The following RNF130 variants were observed in gnomAD, a reference collection of about 807,000 sequenced individuals.
The protein encoded by RNF130 is ring finger protein 130, also known as E3 ubiquitin-protein ligase RNF130.
In RNF130, 21 loss-of-function variants were observed where a neutral mutation model predicts 44.6. The observed-to-expected ratio is 0.47, with a 90% CI of 0.33 to 0.68. The LOEUF (loss-of-function observed/expected upper bound fraction) is 0.68. RNF130 is among the 30% of genes least tolerant of loss of function. The pLI, the probability that RNF130 is intolerant of heterozygous loss-of-function variation, is 0.02. For missense variants in RNF130, 479 were observed against 560.6 expected, an observed-to-expected ratio of 0.85 and a Z score of 1.47; for synonymous variants, 214 against 210.4, an observed-to-expected ratio of 1.02 and a Z score of -0.15.
At chr5:179,993,409 C>T (rs1211075559) in intron 3 of RNF130, among the ~76,000 whole-genome samples, 1 of 152,190 alleles carries the variant, frequency 6.6e-6, no homozygotes, top group Non-Finnish European at 1.5e-5. Context: ...TTTTAACAAT[C>T]ACCATTCTAA....
exon 8 of RNF130, chr5:179,913,336 G>A (rs1253185370): frequency 6.6e-6 from 1 of 151,636 alleles, no homozygotes; most frequent in Non-Finnish European, 1.5e-5. Flanking sequence ...TGAAACTCAA[G>A]TTGCAGGACG....
intron 2 of RNF130, among the ~76,000 whole-genome samples, chr5:180,020,672 C>A (rs1763849250): frequency 6.6e-6 from 1 of 152,292 alleles, no homozygotes. Context: ...CAGTACAGCA[C>A]TTGAATGTCA....
At chr5:179,969,239 GTGT>G (rs936136700) in intron 6 of RNF130, among the ~76,000 whole-genome samples, 1 of 151,992 alleles carries the variant, frequency 6.6e-6, no homozygotes, top group Non-Finnish European at 1.5e-5. Flanking sequence ...ACTCAAGTCA[GTGT>G]TGACCTGGCA....
intron 3 of RNF130, among the ~76,000 whole-genome samples, chr5:180,008,045 G>A (rs1001592610): frequency 1.3e-5 from 2 of 148,628 alleles, no homozygotes; most frequent in African/African-American, 5.0e-5. Context: ...GGAAAAGGAG[G>A]TGGGCTGCCT....
intron 1 of RNF130, among the ~76,000 whole-genome samples, chr5:180,057,937 T>G (rs1764877726): frequency 6.6e-6 from 1 of 152,150 alleles, no homozygotes; most frequent in Admixed American, 6.5e-5. Context: ...GGGGCGGTTT[T>G]GTGGGACTAG....
chr5:179,972,990 T>G (rs1449192407), intron 5 of RNF130, among the ~76,000 whole-genome samples: 1 of 152,158 alleles, frequency 6.6e-6, no homozygotes, highest in South Asian at 2.1e-4. Context: ...AAAGACCAAC[T>G]GGTTCTCTGG....
intron 1 of RNF130, among the ~76,000 whole-genome samples, chr5:180,050,243 G>C (rs546909822): frequency 2.0e-5 from 3 of 152,310 alleles, no homozygotes; most frequent in Non-Finnish European, 2.9e-5. Flanking sequence ...GGGTGAGCTG[G>C]CAGGCTGGAG....
intron 1 of RNF130, among the ~76,000 whole-genome samples, chr5:180,046,080 G>A (rs1307671537): frequency 6.6e-6 from 1 of 152,188 alleles, no homozygotes; most frequent in African/African-American, 2.4e-5. Flanking sequence ...CCTGCCCCAT[G>A]GGGAGGCATC....
Position 180,000,747 on chromosome 5 carries a change from T to C in RNF130, c.693+12314A>G, listed in dbSNP as rs188671942. On this transcript the variant is annotated intron_variant, in intron 3 of 8. Transcript: ENST00000521389. Reference sequence around the variant, plus strand: ...TGCAGGATTTGATTCTTACTTCTCTTTTATTCAATTTCCTGTTTATATTGT... The same window carrying C: ...TGCAGGATTTGATTCTTACTTCTCTCTTATTCAATTTCCTGTTTATATTGT... Among the ~76,000 whole-genome samples the C allele has an allele frequency of 2.0e-5, 3 of 152,360 alleles. No homozygotes were observed. The East Asian group carries it at 5.8e-4, about 29-fold the overall frequency.
chr5:180,010,816 C>A (rs866307097), intron 3 of RNF130, among the ~76,000 whole-genome samples: 1 of 151,592 alleles, frequency 6.6e-6, no homozygotes, highest in African/African-American at 2.4e-5. Flanking sequence ...GTATCCTGAC[C>A]GTGTTGTTGG....
rs1162823828 is a variant in RNF130 at position 179,983,322 on chromosome 5, G to A, written c.694-3122C>T. On this transcript the variant is annotated intron_variant, in intron 3 of 8. Coordinates refer to ENST00000521389, the MANE Select transcript of RNF130 (RefSeq NM_018434.6). ...TGACTCATTTTGTGTATTCTGTCAG[G>A]TACAGATGAACTTTTTTTTTTTTTT... is the stretch of plus-strand genomic sequence containing the variant. Among the ~76,000 whole-genome samples the A allele has an allele frequency of 9.5e-5, 14 of 146,746 alleles. No individual in the cohort carries two copies. In the East Asian group the frequency reaches 2.8e-3, roughly 29 times the overall value.
chr5:179,975,593 G>T (rs1432173508), intron 5 of RNF130, among the ~76,000 whole-genome samples: 1 of 152,194 alleles, frequency 6.6e-6, no homozygotes, highest in Non-Finnish European at 1.5e-5. Flanking sequence ...GCTGTGTGGT[G>T]CAGTCTCAGG....
chr5:179,995,627 A>G (rs987785386), intron 3 of RNF130, among the ~76,000 whole-genome samples: 8 of 152,156 alleles, frequency 5.3e-5, no homozygotes, highest in Admixed American at 5.2e-4. Flanking sequence ...GTTCCTTCTC[A>G]ATGTCTCTCA....
intron 1 of RNF130, among the ~76,000 whole-genome samples, chr5:180,041,065 T>A (rs998536494): frequency 2.0e-5 from 3 of 152,106 alleles, no homozygotes; most frequent in Non-Finnish European, 4.4e-5. Flanking sequence ...ACCACCGCTA[T>A]CCCCACAGTG....
At chr5:180,005,836 T>C (rs1039724657) in intron 3 of RNF130, among the ~76,000 whole-genome samples, 2 of 152,206 alleles carry the variant, frequency 1.3e-5, no homozygotes, top group African/African-American at 2.4e-5. Flanking sequence ...CTTGAATTCA[T>C]TGAAATATTT....
chr5:179,970,524 A>G lies in RNF130; in HGVS notation c.849-18T>C, dbSNP rs2113707571. 6.4e-7 allele frequency: 1 copy of G among 1,574,228 alleles called. No individual in the cohort carries two copies. Among genetic ancestry groups the G allele is most frequent in the Non-Finnish European group, 8.7e-7 (1 of 1,152,474 alleles). ...AAACATGCCTATAAAATAATGGAGAATTATGTCACAAGTTACATACCAAGA... is the reference window on the plus strand; with the variant it reads ...AAACATGCCTATAAAATAATGGAGAGTTATGTCACAAGTTACATACCAAGA... On this transcript the variant is annotated intron_variant, in intron 5 of 8. Transcript: ENST00000521389.
At chr5:179,989,198 C>T (rs1279567061) in intron 3 of RNF130, among the ~76,000 whole-genome samples, 1 of 152,228 alleles carries the variant, frequency 6.6e-6, no homozygotes, top group Non-Finnish European at 1.5e-5. Flanking sequence ...TGTGAGAACT[C>T]ACTCTCTATC....
At position 179,955,457 on chromosome 5, in the gene RNF130, T is replaced by C. The variant is rs1428897877; in HGVS notation, c.*197A>G. 1 of 489,902 alleles carries C rather than the reference T, an allele frequency of 2.0e-6. No homozygotes were observed. The allele number at this position is 489,902 out of a possible 1,614,324, so 30.3% of individuals were successfully genotyped here. A position where few individuals can be genotyped will look rare whatever the true frequency, so the allele number is the denominator to read the frequency against. On this transcript the variant is annotated 3_prime_UTR_variant, in exon 9 of 9. Transcript: ENST00000521389. ...TCAGCCCTCAAAACACAGGTCTGGT[T>C]AATAAGACTCAACAGCACAGACTTT...
At chr5:180,057,470 C>G (rs186448442) in intron 1 of RNF130, among the ~76,000 whole-genome samples, 2 of 152,172 alleles carry the variant, frequency 1.3e-5, no homozygotes, top group African/African-American at 4.8e-5. Context: ...ATTGCCGGAA[C>G]CTAGGAGGTG....
Sources: allele counts gnomAD v4.1 joint callset (sites outside exome capture counted in the v4.1 genomes callset), GRCh38; gene constraint gnomAD v4.1.1; transcripts MANE v1.5; gene names NCBI Gene and HGNC (gene_info 2026-07-23, HGNC 2026-07-21).